The following RBM7 variants were observed in gnomAD, a reference collection of about 807,000 sequenced individuals.
RBM7 encodes the protein RNA binding motif protein 7, also known as RNA-binding protein 7.
A neutral mutation model predicts 31.0 loss-of-function variants in RBM7; 13 were observed. The observed-to-expected ratio is 0.42, with a 90% CI of 0.27 to 0.67. RBM7 has a LOEUF of 0.67. Ranked by LOEUF, RBM7 falls within the 30% of genes least tolerant of loss-of-function variation. RBM7 has a pLI of 0.24. For missense variants in RBM7, 245 were observed against 326.2 expected (o/e 0.75, Z 1.92); for synonymous variants, 106 against 111.2 (o/e 0.95, Z 0.30).
chr11:114,407,770 G>A lies in RBM7; in HGVS notation c.767G>A (p.Ser256Asn). 5 of 1,611,412 alleles carry A rather than the reference G, an allele frequency of 3.1e-6. No individual in the cohort carries two copies. Among genetic ancestry groups the A allele is most frequent in the Non-Finnish European group, 4.2e-6 (5 of 1,179,040 alleles). Residue 256 changes from serine to asparagine, a missense_variant, in exon 5 of 5, where the codon AGT (serine) becomes AAT (asparagine). Physicochemically the swap from Ser to Asn is conservative, Grantham distance 46 (BLOSUM62 1). Transcript: ENST00000375490. ...WSHDYDNRRD[S>N]SRDGKWRSSR... ...CATGACTATGATAACAGAAGAGACA[G>A]TAGTAGAGATGGAAAATGGCGCTCA...
At chr11:114,402,617 C>A (rs945574443) in intron 2 of RBM7, among the ~76,000 whole-genome samples, 4 of 151,746 alleles carry the variant, frequency 2.6e-5, no homozygotes, top group Non-Finnish European at 5.9e-5. Flanking sequence ...GTTGGTCAGG[C>A]TGGTCTCGAA....
chr11:114,402,697 G>A (rs1244893770), intron 2 of RBM7, 131 bp from the exon 3 acceptor site: 13 of 757,784 alleles, frequency 1.7e-5, no homozygotes, highest in East Asian at 1.1e-4. Flanking sequence ...CAGCCACCGC[G>A]CCCGGCCAGT....
At chr11:114,405,527 G>A (rs187112697) in intron 3 of RBM7, among the ~76,000 whole-genome samples, 179 bp from the exon 4 acceptor site, 316 of 152,222 alleles carry the variant, frequency 2.1e-3, no homozygotes, top group Middle Eastern at 3.4e-3. Context: ...TTAATCATAC[G>A]TTTTATCACT....
In RBM7 at chr11:114,409,057, C is replaced by CAT. The variant is rs1946305999; in HGVS notation, c.*1254_*1255dup. 2 of 152,000 alleles carry CAT rather than the reference C, an allele frequency of 1.3e-5. No individual in the cohort carries two copies. Among genetic ancestry groups the CAT allele is most frequent in the African/African-American group, 4.8e-5 (2 of 41,368 alleles). The allele number at this position is 152,000 out of a possible 1,614,324, so 9.4% of individuals were successfully genotyped here. On this transcript the variant is annotated 3_prime_UTR_variant, in exon 5 of 5. Coordinates refer to ENST00000375490, the MANE Select transcript of RBM7 (RefSeq NM_001286045.2). ...AGCATCCTGAAATACATCTTTTGTA[C>CAT]ATATAGAGCATGATGTTTCACAATC...
intron 3 of RBM7, among the ~76,000 whole-genome samples, chr11:114,403,504 TATC>T (rs1361645207): frequency 6.6e-6 from 1 of 152,188 alleles, no homozygotes; most frequent in Non-Finnish European, 1.5e-5. Flanking sequence ...TATTAGAAAA[TATC>T]ATATTTACTT....
chr11:114,406,271 C>G (rs1440999329), intron 4 of RBM7: 1 of 152,252 alleles, frequency 6.6e-6, no homozygotes, highest in African/African-American at 2.4e-5. Context: ...TCTTTGTCAT[C>G]ATTTGTTCAA....
At chr11:114,406,724 T>C (rs1414141964) in intron 4 of RBM7, 1 of 152,218 alleles carries the variant, frequency 6.6e-6, no homozygotes, top group Non-Finnish European at 1.5e-5. Flanking sequence ...TTACCTTTAA[T>C]TGTTCACTGC....
intron 3 of RBM7, among the ~76,000 whole-genome samples, chr11:114,403,905 T>C (rs1946234644): frequency 6.6e-6 from 1 of 152,184 alleles, no homozygotes; most frequent in African/African-American, 2.4e-5. Context: ...TCAATTACTG[T>C]AATAAGTTCT....
chr11:114,402,888 C>A lies in RBM7; in HGVS notation c.320C>A (p.Ser107Ter). 1 of 1,612,002 alleles carries A rather than the reference C, an allele frequency of 6.2e-7. No homozygotes were observed. The highest frequency in any genetic ancestry group is 8.5e-7 in the Non-Finnish European group (1 of 1,178,082). Residue 107 changes from serine to a stop codon, truncating the protein, a stop_gained, in exon 3 of 5, where the codon TCA becomes TAA. Coordinates refer to ENST00000375490, the MANE Select transcript of RBM7 (RefSeq NM_001286045.2). LOFTEE classifies it high-confidence loss of function. ...TATCCCCAACATCATGTTGGAAATT[C>A]AAGCCCTACCTCCACATCTCCTAGC... ...LSYPQHHVGNSSPTSTSPSSR... is the reference protein window; with the variant it reads ...LSYPQHHVGN
Position 114,407,865 on chromosome 11 carries a change from A to C in RBM7, c.*58A>C, listed in dbSNP as rs1326934559. The C allele has an allele frequency of 4.0e-6, 6 of 1,495,196 alleles. No homozygotes were observed. The Admixed American group carries it at 1.3e-4, about 33-fold the overall frequency. The allele number at this position is 1,495,196 out of a possible 1,614,324, so 92.6% of individuals were successfully genotyped here. A position where few individuals can be genotyped will look rare whatever the true frequency, so the allele number is the denominator to read the frequency against. ...CATTTTAGGCCCTTTGACTAAGTTG[A>C]TATGGAAATATTTTGTTGAAAAACT... On this transcript the variant is annotated 3_prime_UTR_variant, in exon 5 of 5. Transcript: ENST00000375490.
At position 114,403,775 on chromosome 11, in the gene RBM7, G is replaced by A. The variant is rs538724462; in HGVS notation, c.347+860G>A. Among the ~76,000 whole-genome samples the A allele has an allele frequency of 1.2e-4, 19 of 152,222 alleles. No homozygotes were observed. In the South Asian group the frequency reaches 2.1e-3, roughly 17 times the overall value. Reference sequence around the variant, plus strand: ...GAGGTTAACTTGCTCAGGTTCAGTGGGCTGGGATTCAAACCCAGGCAGTGT... The same window carrying A: ...GAGGTTAACTTGCTCAGGTTCAGTGAGCTGGGATTCAAACCCAGGCAGTGT... On this transcript the variant is annotated intron_variant, in intron 3 of 4. Coordinates refer to ENST00000375490, the MANE Select transcript of RBM7 (RefSeq NM_001286045.2).
At position 114,408,680 on chromosome 11, in the gene RBM7, G is replaced by A. The variant is rs1368721976; in HGVS notation, c.*873G>A. 2 of 152,418 alleles carry A rather than the reference G, an allele frequency of 1.3e-5. No individual in the cohort carries two copies. Among genetic ancestry groups the A allele is most frequent in the Non-Finnish European group, 2.9e-5 (2 of 68,016 alleles). 9.4% of individuals were successfully genotyped at this position (152,418 alleles called of 1,614,324 possible). On this transcript the variant is annotated 3_prime_UTR_variant, in exon 5 of 5. Coordinates refer to ENST00000375490, the MANE Select transcript of RBM7 (RefSeq NM_001286045.2). ...GCCCAGACTGTGTACAAAGACACAT[G>A]TAATGGAGATTGTACAGGTTGTTTT... is the stretch of plus-strand genomic sequence containing the variant.
At chr11:114,404,756 A>G (rs1030031649) in intron 3 of RBM7, among the ~76,000 whole-genome samples, 1 of 152,172 alleles carries the variant, frequency 6.6e-6, no homozygotes, top group Non-Finnish European at 1.5e-5. Flanking sequence ...TAATTTTTAT[A>G]CTATAAACTA....
rs1591200331 is a variant in RBM7, at chr11:114,407,286, A to G, written c.442-159A>G. On this transcript the variant is annotated intron_variant, in intron 4 of 4. Coordinates refer to ENST00000375490, the MANE Select transcript of RBM7 (RefSeq NM_001286045.2). ...ATTTATGTATATATATGTATCTTGT[A>G]GGTATACATTGGAATGATTGAAGCT... 6.3e-6 allele frequency: 4 copies of G among 637,764 alleles called. No individual in the cohort carries two copies. The East Asian group carries it at 1.1e-4, about 17-fold the overall frequency. 39.5% of individuals were successfully genotyped at this position (637,764 alleles called of 1,614,324 possible). A position where few individuals can be genotyped will look rare whatever the true frequency, so the allele number is the denominator to read the frequency against.
At position 114,407,930 on chromosome 11, in the gene RBM7, AT is replaced by A. The variant is rs1565262328; in HGVS notation, c.*130del. 3 of 1,198,724 alleles carry A rather than the reference AT, an allele frequency of 2.5e-6. No homozygotes were observed. Among genetic ancestry groups the A allele is most frequent in the South Asian group, 3.7e-5 (2 of 54,114 alleles). The allele number at this position is 1,198,724 out of a possible 1,614,324, so 74.3% of individuals were successfully genotyped here. ...TACAAGTTGTCACATTTCTTTATAA[AT>A]TTTTTTAAAGCTACAGTTTAATACA... is the stretch of plus-strand genomic sequence containing the variant. On this transcript the variant is annotated 3_prime_UTR_variant, in exon 5 of 5. Coordinates refer to ENST00000375490, the MANE Select transcript of RBM7 (RefSeq NM_001286045.2).
chr11:114,403,039 T>G (rs1292125705), intron 3 of RBM7, 124 bp downstream of exon 3: 4 of 870,214 alleles, frequency 4.6e-6, no homozygotes, highest in Non-Finnish European at 7.4e-6. Context: ...CGTTATTACT[T>G]GCCTTTTGGG....
intron 3 of RBM7, among the ~76,000 whole-genome samples, chr11:114,404,625 G>T (rs1946242128): frequency 6.6e-6 from 1 of 151,862 alleles, no homozygotes; most frequent in Admixed American, 6.6e-5. Context: ...ACCACTTGAG[G>T]CCTTGAGTTT....
rs368189177 is a variant in RBM7, at chr11:114,405,137, T to C, written c.348-569T>C. On this transcript the variant is annotated intron_variant, in intron 3 of 4. Transcript: ENST00000375490. ...CCAGTCGATCAAATTCTTTTCATTT[T>C]AGTTTTCAATCTAGGTCTTTGCATT... 4.6e-5 allele frequency among the ~76,000 whole-genome samples: 7 copies of C among 152,260 alleles called. No individual in the cohort carries two copies. The East Asian group carries it at 1.3e-3, about 29-fold the overall frequency.
At chr11:114,403,028 C>A in intron 3 of RBM7, 113 bp downstream of exon 3, 1 of 939,086 alleles carries the variant, frequency 1.1e-6, no homozygotes, top group Non-Finnish European at 1.7e-6. Context: ...CTTCATTCTG[C>A]CGTTATTACT....
Sources: allele counts gnomAD v4.1 joint callset (sites outside exome capture counted in the v4.1 genomes callset), GRCh38; gene constraint gnomAD v4.1.1; transcripts MANE v1.5; gene names NCBI Gene and HGNC (gene_info 2026-07-23, HGNC 2026-07-21).